The following SH2D6 variants were observed in gnomAD, a reference collection of about 807,000 sequenced individuals.
The protein encoded by SH2D6 is SH2 domain-containing protein 6.
SH2D6 carries 31 observed loss-of-function variants against 30.2 expected under a neutral mutation model. The ratio of observed to expected loss-of-function variants is 1.03; its 90% CI spans 0.77 to 1.38. The LOEUF (loss-of-function observed/expected upper bound fraction) is 1.38, where lower values mean the gene tolerates loss of function less well. Among genes scored for constraint, SH2D6 ranks in the 40% most tolerant of loss-of-function variants. SH2D6 has a pLI of 0.00. For synonymous variants in SH2D6, 93 were observed against 104.6 expected, an observed-to-expected ratio of 0.89 and a Z score of 0.68; for missense variants, 240 against 266.8, an observed-to-expected ratio of 0.90 and a Z score of 0.70.
intron 15 of SH2D6, 133 bp downstream of exon 15, chr2:85,433,254 C>T (rs1368276800): frequency 3.1e-6 from 2 of 640,814 alleles, no homozygotes; most frequent in South Asian, 7.0e-5. Flanking sequence ...AGGGCCCCTG[C>T]CCCTCAGCCA....
At chr2:85,434,805 G>A (rs1367975601) in intron 19 of SH2D6, 19 of 1,451,884 alleles carry the variant, frequency 1.3e-5, no homozygotes, top group East Asian at 7.6e-5. Context: ...GGCATTTTCC[G>A]GTGCCTGCAC....
At chr2:85,431,604 T>G (rs998079472) in intron 13 of SH2D6, among the ~76,000 whole-genome samples, 3 of 152,122 alleles carry the variant, frequency 2.0e-5, no homozygotes, top group Admixed American at 2.0e-4. Context: ...AGCAAAGAAA[T>G]CCCTTCCTCA....
chr2:85,423,301 G>A (rs180804025), intron 5 of SH2D6, among the ~76,000 whole-genome samples: 11 of 152,250 alleles, frequency 7.2e-5, no homozygotes, highest in African/African-American at 1.7e-4. Flanking sequence ...GCACAATTTC[G>A]GCTCACTGCA....
At chr2:85,435,572 G>C in intron 21 of SH2D6, 76 bp downstream of exon 21, 1 of 1,589,888 alleles carries the variant, frequency 6.3e-7, no homozygotes, top group Non-Finnish European at 8.6e-7. Flanking sequence ...GCAGTGGGGA[G>C]CAGGAGGGCC....
At chr2:85,426,635 G>A (rs931832601) in intron 6 of SH2D6, among the ~76,000 whole-genome samples, 7 of 152,176 alleles carry the variant, frequency 4.6e-5, no homozygotes, top group African/African-American at 1.7e-4. Flanking sequence ...AGGGCATGGA[G>A]CCTCCACACC....
At chr2:85,425,589 A>G (rs1330292940) in intron 6 of SH2D6, among the ~76,000 whole-genome samples, 182 bp downstream of exon 6, 1 of 152,192 alleles carries the variant, frequency 6.6e-6, no homozygotes, top group Non-Finnish European at 1.5e-5. Flanking sequence ...CTTAACTGAA[A>G]GTAAGAGAAA....
At chr2:85,424,638 G>A (rs1026416011) in intron 5 of SH2D6, among the ~76,000 whole-genome samples, 1 of 152,108 alleles carries the variant, frequency 6.6e-6, no homozygotes, top group African/African-American at 2.4e-5. Flanking sequence ...TATAGTCCTA[G>A]CTACTTGGGA....
At chr2:85,422,536 G>C (rs1401509601) in intron 4 of SH2D6, 46 bp downstream of exon 4, 1 of 152,398 alleles carries the variant, frequency 6.6e-6, no homozygotes, top group Non-Finnish European at 1.5e-5. Context: ...GACTGGGGAT[G>C]GGGAGGTAGG....
chr2:85,427,869 A>G (rs1688192747), intron 6 of SH2D6, among the ~76,000 whole-genome samples: 1 of 152,062 alleles, frequency 6.6e-6, no homozygotes, highest in African/African-American at 2.4e-5. Flanking sequence ...TGCAGGTCCC[A>G]GGAATTTTCT....
intron 20 of SH2D6, 86 bp downstream of exon 20, chr2:85,435,209 A>T: frequency 7.0e-7 from 1 of 1,420,014 alleles, no homozygotes; most frequent in African/African-American, 1.4e-5. Context: ...CTTGGGCTGA[A>T]GGGTGCACCA....
At chr2:85,425,656 T>C (rs1392836195) in intron 6 of SH2D6, among the ~76,000 whole-genome samples, 2 of 152,206 alleles carry the variant, frequency 1.3e-5, no homozygotes, top group African/African-American at 2.4e-5. Context: ...CTGTAGCTCA[T>C]AGCATCTCCA....
At chr2:85,422,969 C>T (rs981687743) in intron 5 of SH2D6, among the ~76,000 whole-genome samples, 1 of 152,240 alleles carries the variant, frequency 6.6e-6, no homozygotes, top group African/African-American at 2.4e-5. Flanking sequence ...CTCACTGCAA[C>T]CTGCACCTCC....
At chr2:85,421,729 C>T (rs1687758016) in intron 2 of SH2D6, 1 of 152,162 alleles carries the variant, frequency 6.6e-6, no homozygotes, top group Non-Finnish European at 1.5e-5. Context: ...GGTCTGGGAC[C>T]TCCACTGCTG....
rs568988409 is a variant in SH2D6 at position 85,432,237 on chromosome 2, C to T, written c.370+278C>T. Among the ~76,000 whole-genome samples the T allele has an allele frequency of 3.9e-3, 569 of 145,718 alleles. 5 individuals carry two copies. Among genetic ancestry groups the T allele is most frequent in the African/African-American group, 0.014 (544 of 39,184 alleles). On this transcript the variant is annotated intron_variant, in intron 14 of 23. Transcript: ENST00000469800. Reference sequence around the variant, plus strand: ...TCTGCTCTTTTTTTTTTTTTTGGCTCGGCTGCTCTGATTTTTTTTTTTTTT... The same window carrying T: ...TCTGCTCTTTTTTTTTTTTTTGGCTTGGCTGCTCTGATTTTTTTTTTTTTT...
intron 15 of SH2D6, 121 bp downstream of exon 15, chr2:85,433,242 G>T: frequency 1.4e-6 from 1 of 722,752 alleles, no homozygotes; most frequent in Non-Finnish European, 1.7e-6. Flanking sequence ...AAGGCCCAGA[G>T]CAGGGCCCCT....
At chr2:85,426,316 C>A (rs1014970953) in intron 6 of SH2D6, among the ~76,000 whole-genome samples, 2 of 152,214 alleles carry the variant, frequency 1.3e-5, no homozygotes, top group African/African-American at 2.4e-5. Flanking sequence ...GTTCCAGGCT[C>A]ATAACTCCCA....
chr2:85,429,146 T>C (rs1280940968), intron 7 of SH2D6, among the ~76,000 whole-genome samples: 2 of 152,316 alleles, frequency 1.3e-5, no homozygotes, highest in South Asian at 2.1e-4. Flanking sequence ...TAATGTAATG[T>C]TGTCTATGAG....
intron 6 of SH2D6, among the ~76,000 whole-genome samples, chr2:85,427,947 A>G (rs1223409738): frequency 6.6e-6 from 1 of 152,022 alleles, no homozygotes; most frequent in African/African-American, 2.4e-5. Context: ...AGATGCAAGC[A>G]CGTGGGCTTT....
rs1214368161 is a variant in SH2D6 at position 85,430,838 on chromosome 2, C to CGGAG, written c.250+197_250+200dup. 1.9e-5 allele frequency among the ~76,000 whole-genome samples: 1 copy of CGGAG among 53,942 alleles called. No individual in the cohort carries two copies. Among genetic ancestry groups the CGGAG allele is most frequent in the Non-Finnish European group, 3.4e-5 (1 of 29,754 alleles). 35.4% of individuals were successfully genotyped at this position (53,942 alleles called of 152,430 possible). A position where few individuals can be genotyped will look rare whatever the true frequency, so the allele number is the denominator to read the frequency against. On this transcript the variant is annotated intron_variant, in intron 12 of 23. Coordinates refer to ENST00000469800, the MANE Select transcript of SH2D6 (RefSeq NM_001394463.1). The surrounding 1 kb of genome is among the most constrained non-coding windows in gnomAD (Gnocchi z 4.3). The stretch of plus-strand genomic sequence containing the variant: ...AGGGAGAGAGAGAGGGATGAAGGAA[C>CGGAG]GGAGGGAGGGAGGGTGGGAGGGAGG...
Sources: gnomAD v4.1 joint callset for allele counts (sites outside exome capture counted in the v4.1 genomes callset) on GRCh38, gnomAD v4.1.1 for gene constraint, Gnocchi (gnomAD v3.1) non-coding constraint, MANE v1.5 for transcripts, NCBI Gene and HGNC (gene_info 2026-07-23, HGNC 2026-07-21) for gene names.